PTPRK: variants seen among roughly 807,000 people sequenced by gnomAD.
The protein encoded by PTPRK is receptor-type tyrosine-protein phosphatase kappa.
Under a neutral mutation model 178.0 loss-of-function variants are expected in PTPRK, and 75 were observed. The observed-to-expected ratio is 0.42, with a 90% CI of 0.35 to 0.51. PTPRK has a LOEUF of 0.51. PTPRK is among the 20% of genes least tolerant of loss of function. The pLI is 0.02. For synonymous variants in PTPRK, 637 were observed against 620.6 expected (o/e 1.03, Z -0.39); for missense variants, 1,441 against 1,797.8 (o/e 0.80, Z 3.59).
intron 1 of PTPRK, among the ~76,000 whole-genome samples, chr6:128,415,457 T>C (rs1584606531): frequency 6.6e-6 from 1 of 151,836 alleles, no homozygotes; most frequent in Non-Finnish European, 1.5e-5. Flanking sequence ...AAGAACTGTC[T>C]TCCTATTTTC....
chr6:127,971,718 G>T (rs1773921070), intron 29 of PTPRK, among the ~76,000 whole-genome samples: 1 of 151,584 alleles, frequency 6.6e-6, no homozygotes, highest in African/African-American at 2.4e-5. Flanking sequence ...TTTAACCATA[G>T]ATTTTTTTTT....
intron 3 of PTPRK, among the ~76,000 whole-genome samples, chr6:128,311,221 G>A (rs912155178): frequency 2.0e-5 from 3 of 152,106 alleles, no homozygotes; most frequent in South Asian, 2.1e-4. Context: ...CTAAAAATGC[G>A]AACAACGCAA....
At chr6:127,984,122 A>T (rs953179888) in intron 22 of PTPRK, among the ~76,000 whole-genome samples, 1 of 152,222 alleles carries the variant, frequency 6.6e-6, no homozygotes, top group Non-Finnish European at 1.5e-5. Flanking sequence ...TTAATTGGCA[A>T]ATAATAATGT....
In PTPRK at chr6:128,401,338, C is replaced by T. The variant is rs531634491; in HGVS notation, c.101-3650G>A. 1.6e-4 allele frequency among the ~76,000 whole-genome samples: 25 copies of T among 152,242 alleles called. No individual in the cohort carries two copies. In the South Asian group the frequency reaches 5.0e-3, roughly 30 times the overall value. ...CATAAAAAGGAAAGAAAAGTAAGTA[C>T]CCCTGACCCCAAAACTATATTGCCT... On this transcript the variant is annotated intron_variant, in intron 1 of 29. Coordinates refer to ENST00000368226, the MANE Select transcript of PTPRK (RefSeq NM_002844.4).
chr6:128,091,306 G>T (rs1254894930), intron 7 of PTPRK, among the ~76,000 whole-genome samples: 1 of 152,096 alleles, frequency 6.6e-6, no homozygotes, highest in Non-Finnish European at 1.5e-5. Flanking sequence ...GAAGAAAGAC[G>T]AGGCTTTCTA....
rs57478137 is a variant in PTPRK at position 128,003,131 on chromosome 6, T to C, written c.2494+1953A>G. On this transcript the variant is annotated intron_variant, in intron 15 of 29. Coordinates refer to ENST00000368226, the MANE Select transcript of PTPRK (RefSeq NM_002844.4). ...TCCTGCACTGTAAATAATCTCTATGTGGGCAAACCCATGCAAGGAGGTGTG... is the reference window on the plus strand; with the variant it reads ...TCCTGCACTGTAAATAATCTCTATGCGGGCAAACCCATGCAAGGAGGTGTG... 106 of 1,472,172 alleles carry C rather than the reference T, an allele frequency of 7.2e-5. No individual in the cohort carries two copies. In the African/African-American group the frequency reaches 1.3e-3, roughly 17 times the overall value. The allele number at this position is 1,472,172 out of a possible 1,614,324, so 91.2% of individuals were successfully genotyped here.
chr6:128,175,332 A>G (rs2114662475), intron 7 of PTPRK, among the ~76,000 whole-genome samples: 1 of 151,960 alleles, frequency 6.6e-6, no homozygotes, highest in African/African-American at 2.4e-5. Context: ...CATTGATATA[A>G]TACTTTCAAA....
intron 7 of PTPRK, among the ~76,000 whole-genome samples, chr6:128,120,775 C>G (rs1300278735): frequency 6.6e-6 from 1 of 151,832 alleles, no homozygotes; most frequent in Non-Finnish European, 1.5e-5. Flanking sequence ...TCAACATGTA[C>G]TTAATTTCAA....
intron 7 of PTPRK, among the ~76,000 whole-genome samples, chr6:128,108,071 C>A (rs1327554009): frequency 5.5e-4 from 28 of 50,520 alleles, no homozygotes; most frequent in Admixed American, 2.4e-3. Flanking sequence ...AATAGCAAAA[C>A]ACACACACAC....
chr6:128,099,664 C>A (rs1292257287), intron 7 of PTPRK, among the ~76,000 whole-genome samples: 1 of 152,026 alleles, frequency 6.6e-6, no homozygotes, highest in African/African-American at 2.4e-5. Context: ...CACTTTAACA[C>A]CTCATTTGAT....
chr6:128,392,751 AAAAGAGAG>A (rs1196111218), intron 2 of PTPRK, among the ~76,000 whole-genome samples: 2 of 8,842 alleles, frequency 2.3e-4, no homozygotes, highest in Non-Finnish European at 0.01. Flanking sequence ...GTCAAAAACA[AAAAGAGAG>A]AAAGAAATAT....
intron 6 of PTPRK, among the ~76,000 whole-genome samples, chr6:128,204,752 G>C (rs1184703966): frequency 6.6e-6 from 1 of 151,686 alleles, no homozygotes; most frequent in East Asian, 1.9e-4. Context: ...GGTGATTATC[G>C]AAGAGTCAAA....
chr6:128,323,666 G>T (rs1053235162), intron 2 of PTPRK, among the ~76,000 whole-genome samples: 36 of 152,142 alleles, frequency 2.4e-4, no homozygotes, highest in African/African-American at 8.2e-4. Context: ...AAATGTGACC[G>T]ATTGCCACTG....
rs555319831 is a variant in PTPRK, at chr6:127,970,825, T to A, written c.4270-545A>T. On this transcript the variant is annotated intron_variant, in intron 29 of 29. Transcript: ENST00000368226. ...AATTCTTTTTCCATGTTATTTAACA[T>A]CTTTTAATACCACATAAAAATCAAA... Among the ~76,000 whole-genome samples, 16 of 152,262 alleles carry A rather than the reference T, an allele frequency of 1.1e-4. No individual in the cohort carries two copies. In the East Asian group the frequency reaches 3.1e-3, roughly 29 times the overall value.
intron 7 of PTPRK, among the ~76,000 whole-genome samples, chr6:128,161,898 C>A (rs372053832): frequency 6.6e-6 from 1 of 151,466 alleles, no homozygotes; most frequent in Non-Finnish European, 1.5e-5. Flanking sequence ...AAGCAAACGT[C>A]CCTAATTTCA....
At chr6:128,014,717 G>A (rs1779418428) in intron 13 of PTPRK, among the ~76,000 whole-genome samples, 1 of 151,516 alleles carries the variant, frequency 6.6e-6, no homozygotes, top group Non-Finnish European at 1.5e-5. Flanking sequence ...ACAATGACAG[G>A]TTTTGTAAAG....
At chr6:128,408,148 G>A (rs558753846) in intron 1 of PTPRK, among the ~76,000 whole-genome samples, 1 of 152,344 alleles carries the variant, frequency 6.6e-6, no homozygotes, top group East Asian at 1.9e-4. Flanking sequence ...AGCACTTTGA[G>A]AGGCCAAGGC....
intron 3 of PTPRK, among the ~76,000 whole-genome samples, chr6:128,277,591 T>C (rs888589767): frequency 6.9e-4 from 105 of 152,212 alleles, no homozygotes; most frequent in African/African-American, 2.4e-3. Flanking sequence ...TGAAAGGAGA[T>C]CAATACCTGG....
intron 1 of PTPRK, among the ~76,000 whole-genome samples, chr6:128,448,901 C>T (rs547514756): frequency 6.6e-6 from 1 of 152,188 alleles, no homozygotes; most frequent in African/African-American, 2.4e-5. Context: ...GCTTTGTCAC[C>T]CAGGCCGGAG....
Sources: allele counts gnomAD v4.1 joint callset (sites outside exome capture counted in the v4.1 genomes callset), GRCh38; gene constraint gnomAD v4.1.1; transcripts MANE v1.5; gene names NCBI Gene and HGNC (gene_info 2026-07-23, HGNC 2026-07-21).